Variants in CFAP46 observed in about 807,000 individuals in gnomAD.
The protein encoded by CFAP46 is cilia and flagella associated protein 46, also known as cilia- and flagella-associated protein 46.
Under a neutral mutation model 325.7 loss-of-function variants are expected in CFAP46, and 245 were observed. The ratio of observed to expected loss-of-function variants is 0.75; its 90% CI spans 0.68 to 0.84. The LOEUF is 0.84. Among genes scored for constraint, CFAP46 ranks in the 40% least tolerant of loss-of-function variants. The pLI is 0.00. For missense variants in CFAP46, 3,346 were observed against 3,543.0 expected, an observed-to-expected ratio of 0.94 and a Z score of 1.41; for synonymous variants, 1,523 against 1,495.9, an observed-to-expected ratio of 1.02 and a Z score of -0.42.
intron 34 of CFAP46, 47 bp from the exon 35 acceptor site, chr10:132,866,218 C>T (rs1350156470): frequency 2.1e-6 from 3 of 1,442,142 alleles, no homozygotes; most frequent in Non-Finnish European, 2.8e-6. Flanking sequence ...ACACTTGTGA[C>T]CTCTGAGTCT....
At position 132,869,198 on chromosome 10, in the gene CFAP46, G is replaced by A. The variant is rs570895729; in HGVS notation, c.4610+76C>T. The A allele has an allele frequency of 3.4e-5, 43 of 1,255,744 alleles. No individual in the cohort carries two copies. Among genetic ancestry groups the A allele is most frequent in the Non-Finnish European group, 3.5e-5 (32 of 925,598 alleles). 77.8% of individuals were successfully genotyped at this position (1,255,744 alleles called of 1,614,324 possible). Reference sequence around the variant, plus strand: ...CAGGAGTCCAGGGAAGAGGGTGGCCGCGCAGCTGGCTTTCACCTGGCCGCA... The same window carrying A: ...CAGGAGTCCAGGGAAGAGGGTGGCCACGCAGCTGGCTTTCACCTGGCCGCA... On this transcript the variant is annotated intron_variant, in intron 33 of 57. Coordinates refer to ENST00000368586, the MANE Select transcript of CFAP46 (RefSeq NM_001200049.3). This position sits in a 1 kb window ranked among gnomAD's most constrained non-coding sequence, Gnocchi z 6.2.
intron 47 of CFAP46, 96 bp downstream of exon 47, chr10:132,835,208 C>T (rs898541742): frequency 3.2e-5 from 48 of 1,508,554 alleles, no homozygotes; most frequent in Middle Eastern, 2.4e-4. Context: ...CCTGGCCTAG[C>T]GCCCCGCCCC....
chr10:132,877,022 C>T lies in CFAP46; in HGVS notation c.4213-61G>A, dbSNP rs976932676. 2.7e-5 allele frequency: 40 copies of T among 1,498,190 alleles called. No homozygotes were observed. In the South Asian group the frequency reaches 3.7e-4, roughly 14 times the overall value. The allele number at this position is 1,498,190 out of a possible 1,614,324, so 92.8% of individuals were successfully genotyped here. On this transcript the variant is annotated intron_variant, in intron 30 of 57. Coordinates refer to ENST00000368586, the MANE Select transcript of CFAP46 (RefSeq NM_001200049.3). The surrounding 1 kb of genome is among the most constrained non-coding windows in gnomAD (Gnocchi z 5.7). ...GTGGAGGTGAAACAGCAGACACCCCCGGCCCACCGGCATGGCTGTGCAGCA... is the reference window on the plus strand; with the variant it reads ...GTGGAGGTGAAACAGCAGACACCCCTGGCCCACCGGCATGGCTGTGCAGCA...
At position 132,846,061 on chromosome 10, in the gene CFAP46, G is replaced by T. The variant is rs1253307072; in HGVS notation, c.6434C>A (p.Ser2145Tyr). 7.6e-6 allele frequency: 12 copies of T among 1,574,818 alleles called. No homozygotes were observed. Among genetic ancestry groups the T allele is most frequent in the Non-Finnish European group, 1.0e-5 (12 of 1,167,784 alleles). The part of the protein sequence containing the change: ...ARVEQRLAAV[S>Y]KAWQNLCVTE... ...GCGGCATCCGTGCCCGCTTACCTTG[G>T]ACACGGCGGCCAGCCTCTGCTCCAC... Residue 2145 changes from serine (S) to tyrosine (Y), a missense_variant, in exon 44 of 58, where the codon TCC becomes TAC. Transcript: ENST00000368586.
intron 5 of CFAP46, among the ~76,000 whole-genome samples, chr10:132,937,961 G>A (rs1457319428): frequency 6.6e-6 from 1 of 152,244 alleles, no homozygotes; most frequent in Non-Finnish European, 1.5e-5. Flanking sequence ...AACACCTGCA[G>A]GCTGTGGGCT....
At chr10:132,922,261 G>A (rs1292288082) in intron 12 of CFAP46, 37 bp from the exon 13 acceptor site, 1 of 1,536,064 alleles carries the variant, frequency 6.5e-7, no homozygotes, top group Non-Finnish European at 8.8e-7. Flanking sequence ...AGGGGCCGCT[G>A]GACTTTCCAC....
intron 8 of CFAP46, 36 bp from the exon 9 acceptor site, chr10:132,929,840 A>C (rs1849866065): frequency 8.6e-6 from 13 of 1,507,778 alleles, no homozygotes; most frequent in Admixed American, 1.7e-5. Context: ...CCGGCTCAAT[A>C]GGGGGCACAG....
In CFAP46 at chr10:132,814,628, G is replaced by A; in HGVS notation, c.7250-16C>T. 6.3e-7 allele frequency: 1 copy of A among 1,579,146 alleles called. No homozygotes were observed. The highest frequency in any genetic ancestry group is 1.1e-5 in the South Asian group (1 of 87,018). On this transcript the variant is annotated splice_polypyrimidine_tract_variant and intron_variant, in intron 52 of 57. Transcript: ENST00000368586. Reference sequence around the variant, plus strand: ...TCCACGACGACTGGGTCCCGGTCAAGGAGAAACGGGAGCACAGGGCGGGGT... The same window carrying A: ...TCCACGACGACTGGGTCCCGGTCAAAGAGAAACGGGAGCACAGGGCGGGGT...
At chr10:132,936,045 A>C in intron 7 of CFAP46, among the ~76,000 whole-genome samples, 3 of 26,304 alleles carry the variant, frequency 1.1e-4, no homozygotes, top group African/African-American at 6.4e-4. Context: ...CACTCCCCTC[A>C]CATCCAAACA....
intron 50 of CFAP46, among the ~76,000 whole-genome samples, chr10:132,816,418 A>G (rs1295701000): frequency 1.4e-4 from 17 of 119,562 alleles, no homozygotes; most frequent in Admixed American, 1.0e-4. Context: ...TGCAAGCTCC[A>G]CCTCCCGGGT....
chr10:132,870,839 G>C (rs1438632219), intron 32 of CFAP46, among the ~76,000 whole-genome samples: 1 of 149,132 alleles, frequency 6.7e-6, no homozygotes, highest in Non-Finnish European at 1.5e-5. Context: ...ATAAGAGCAT[G>C]GATGGTGGCT....
At position 132,827,215 on chromosome 10, in the gene CFAP46, A is replaced by T. The variant is rs1228723196; in HGVS notation, c.7117+6143T>A. Among the ~76,000 whole-genome samples the T allele has an allele frequency of 2.0e-5, 3 of 151,930 alleles. No homozygotes were observed. Among genetic ancestry groups the T allele is most frequent in the Non-Finnish European group, 4.4e-5 (3 of 67,960 alleles). Reference sequence around the variant, plus strand: ...ACCCCACACGGTGCTCGTCAGGGGAAGGCAGGAGGGCGGCCGGAGGGACCA... The same window carrying T: ...ACCCCACACGGTGCTCGTCAGGGGATGGCAGGAGGGCGGCCGGAGGGACCA... On this transcript the variant is annotated intron_variant, in intron 50 of 57. Transcript: ENST00000368586. The surrounding 1 kb of genome is among the most constrained non-coding windows in gnomAD (Gnocchi z 5.7).
In CFAP46 at chr10:132,919,751, C is replaced by T. The variant is rs1472698992; in HGVS notation, c.1730+308G>A. Among the ~76,000 whole-genome samples, 3 of 152,086 alleles carry T rather than the reference C, an allele frequency of 2.0e-5. No individual in the cohort carries two copies. The highest frequency in any genetic ancestry group is 4.4e-5 in the Non-Finnish European group (3 of 67,992). Reference sequence around the variant, plus strand: ...GGCCTCCCGGGGATGGTACCGACCGCAGGGTCGGTACCAAAAATCAGCCTG... The same window carrying T: ...GGCCTCCCGGGGATGGTACCGACCGTAGGGTCGGTACCAAAAATCAGCCTG... On this transcript the variant is annotated intron_variant, in intron 14 of 57. Transcript: ENST00000368586. The surrounding 1 kb of genome is among the most constrained non-coding windows in gnomAD (Gnocchi z 9.7).
intron 41 of CFAP46, among the ~76,000 whole-genome samples, chr10:132,848,987 G>C (rs1848489120): frequency 6.6e-6 from 1 of 152,218 alleles, no homozygotes; most frequent in Non-Finnish European, 1.5e-5. Context: ...GAAAAACCTT[G>C]ATTTAAGCTT....
At chr10:132,935,378 CTG>C (rs1349143648) in intron 7 of CFAP46, among the ~76,000 whole-genome samples, 2 of 145,346 alleles carry the variant, frequency 1.4e-5, no homozygotes, top group Non-Finnish European at 3.0e-5. Flanking sequence ...CCCAAACACA[CTG>C]TGATCTCCTC....
At position 132,851,098 on chromosome 10, in the gene CFAP46, C is replaced by T; in HGVS notation, c.5763+19G>A. 6.2e-7 allele frequency: 1 copy of T among 1,613,222 alleles called. No homozygotes were observed. Among genetic ancestry groups the T allele is most frequent in the Non-Finnish European group, 8.5e-7 (1 of 1,179,880 alleles). On this transcript the variant is annotated intron_variant, in intron 40 of 57. Coordinates refer to ENST00000368586, the MANE Select transcript of CFAP46 (RefSeq NM_001200049.3). ...GCCTGGCGCTCCCTCCACCGGGAATCTGTGACCCCAGCAATTACCAGGCCG... is the reference window on the plus strand; with the variant it reads ...GCCTGGCGCTCCCTCCACCGGGAATTTGTGACCCCAGCAATTACCAGGCCG...
In CFAP46 at chr10:132,812,868, C is replaced by T. The variant is rs1231186455; in HGVS notation, c.7418G>A (p.Ser2473Asn). 6.2e-7 allele frequency: 1 copy of T among 1,609,992 alleles called. No homozygotes were observed. ...SQAQWEQALGSCSGFFFYGME... is the reference protein window; with the variant it reads ...SQAQWEQALGNCSGFFFYGME... ...TCCATAGAAGAAGAAACCGCTGCAG[C>T]TGCCCAGGGCCTGCTCCCACTGGGC... Residue 2473 changes from serine (S) to asparagine (N), a missense_variant, in exon 55 of 58, where the codon AGC (serine) becomes AAC (asparagine). Ser to Asn is a conservative substitution (Grantham distance 46). Transcript: ENST00000368586.
At chr10:132,843,621 T>C (rs1472432087) in intron 44 of CFAP46, among the ~76,000 whole-genome samples, 4 of 79,492 alleles carry the variant, frequency 5.0e-5, no homozygotes, top group Admixed American at 1.8e-4. Context: ...GGCTCTGGTC[T>C]CGGTGAGTGT....
At position 132,885,941 on chromosome 10, in the gene CFAP46, G is replaced by C. The variant is rs767963798; in HGVS notation, c.3323C>G (p.Ala1108Gly). 6.5e-7 allele frequency: 1 copy of C among 1,550,042 alleles called. No homozygotes were observed. Among genetic ancestry groups the C allele is most frequent in the Non-Finnish European group, 8.7e-7 (1 of 1,146,714 alleles). The change falls in exon 26 of 58, where the codon GCG (alanine) becomes GGG (glycine). Residue 1108 changes from alanine to glycine, a missense_variant. Ala to Gly is a moderately conservative substitution (Grantham distance 60). Transcript: ENST00000368586. ...YFLPGAEDDL[A>G]LRAALYGLLF... ...CAGGCCGTAGAGCGCAGCACGGAGC[G>C]CCAGGTCGTCCTCAGCCCCTGGGAG...
Sources: allele counts gnomAD v4.1 joint callset (sites outside exome capture counted in the v4.1 genomes callset), GRCh38; gene constraint gnomAD v4.1.1; non-coding constraint Gnocchi (gnomAD v3.1); transcripts MANE v1.5; gene names NCBI Gene and HGNC (gene_info 2026-07-23, HGNC 2026-07-21).